Variants in NRXN3 observed in about 807,000 individuals in gnomAD.
NRXN3 encodes neurexin III.
A neutral mutation model predicts 137.6 loss-of-function variants in NRXN3; 32 were observed. That is an observed-to-expected ratio of 0.23 (90% CI 0.18 to 0.31). NRXN3 has a LOEUF of 0.31. NRXN3 is among the 10% of genes least tolerant of loss of function. The pLI, the probability that NRXN3 is intolerant of heterozygous loss-of-function variation, is 1.00. For missense variants in NRXN3, 1,574 were observed against 2,062.5 expected, an observed-to-expected ratio of 0.76 and a Z score of 4.59; for synonymous variants, 798 against 784.5, an observed-to-expected ratio of 1.02 and a Z score of -0.29.
At chr14:79,104,029 C>T (rs1443888869) in intron 15 of NRXN3, among the ~76,000 whole-genome samples, 1 of 152,196 alleles carries the variant, frequency 6.6e-6, no homozygotes, top group Admixed American at 6.6e-5. Flanking sequence ...CATGCCTGCA[C>T]ATGCACAGAT....
At chr14:78,740,826 T>G (rs533930728) in intron 8 of NRXN3, among the ~76,000 whole-genome samples, 1 of 152,122 alleles carries the variant, frequency 6.6e-6, no homozygotes, top group Non-Finnish European at 1.5e-5. Flanking sequence ...TTTTTTCTGG[T>G]TATGACTTTT....
At chr14:79,387,759 G>A (rs2094684647) in intron 15 of NRXN3, among the ~76,000 whole-genome samples, 1 of 151,898 alleles carries the variant, frequency 6.6e-6, no homozygotes, top group Non-Finnish European at 1.5e-5. Context: ...ATACACCATG[G>A]AATACTATGC....
At chr14:79,318,215 C>G (rs2089279344) in intron 15 of NRXN3, among the ~76,000 whole-genome samples, 1 of 152,104 alleles carries the variant, frequency 6.6e-6, no homozygotes, top group Admixed American at 6.6e-5. Flanking sequence ...AAGAACATGA[C>G]AAAATAAAAA....
intron 4 of NRXN3, among the ~76,000 whole-genome samples, chr14:78,522,958 G>A (rs773780628): frequency 6.6e-6 from 1 of 152,184 alleles, no homozygotes; most frequent in Non-Finnish European, 1.5e-5. Context: ...TTTTCTAAAG[G>A]AATGTGAATT....
At chr14:78,809,757 G>C (rs544630044) in intron 9 of NRXN3, among the ~76,000 whole-genome samples, 2 of 152,258 alleles carry the variant, frequency 1.3e-5, no homozygotes, top group African/African-American at 4.8e-5. Flanking sequence ...AAAAGAGAAA[G>C]GGTTAAGTAC....
chr14:79,707,156 A>T (rs2098783657), intron 19 of NRXN3, among the ~76,000 whole-genome samples: 1 of 152,188 alleles, frequency 6.6e-6, no homozygotes, highest in African/African-American at 2.4e-5. Flanking sequence ...AGAAGGAACA[A>T]TAGCTATGTT....
intron 4 of NRXN3, among the ~76,000 whole-genome samples, chr14:78,557,211 TA>T (rs1034507714): frequency 3.8e-4 from 56 of 149,198 alleles, no homozygotes; most frequent in African/African-American, 1.3e-3. Context: ...CACCTGGCTA[TA>T]TTTTTTTCTA....
At chr14:79,066,073 C>T (rs141783075) in intron 15 of NRXN3, among the ~76,000 whole-genome samples, 89 of 152,228 alleles carry the variant, frequency 5.8e-4, no homozygotes, top group Admixed American at 1.8e-3. Flanking sequence ...TTGCCCACGC[C>T]TAATTCCTGA....
At chr14:79,273,377 G>A (rs1480719259) in intron 15 of NRXN3, among the ~76,000 whole-genome samples, 1 of 151,826 alleles carries the variant, frequency 6.6e-6, no homozygotes, top group Non-Finnish European at 1.5e-5. Context: ...GCTCACGCCT[G>A]TAATCCCAGC....
At chr14:78,537,884 T>G (rs958049252) in intron 4 of NRXN3, among the ~76,000 whole-genome samples, 3 of 152,244 alleles carry the variant, frequency 2.0e-5, no homozygotes, top group Admixed American at 6.5e-5. Context: ...CCCCATTTCT[T>G]GTTTTTGTCA....
At chr14:78,612,740 A>G (rs1247790260) in intron 4 of NRXN3, among the ~76,000 whole-genome samples, 2 of 152,134 alleles carry the variant, frequency 1.3e-5, no homozygotes, top group East Asian at 1.9e-4. Context: ...TCTGTCTGTA[A>G]TGCTTTGTTC....
chr14:78,266,533 A>G (rs2071753211), intron 2 of NRXN3, among the ~76,000 whole-genome samples: 2 of 152,116 alleles, frequency 1.3e-5, no homozygotes, highest in South Asian at 2.1e-4. Flanking sequence ...TCCTGACCTC[A>G]TGATCCGCCC....
At chr14:79,540,903 A>AT (rs529477681) in intron 16 of NRXN3, among the ~76,000 whole-genome samples, 17 of 150,970 alleles carry the variant, frequency 1.1e-4, no homozygotes, top group South Asian at 4.2e-4. Context: ...TCAAACAAAG[A>AT]TTTTTTTTTT....
chr14:78,435,298 G>A (rs939874970), intron 4 of NRXN3, among the ~76,000 whole-genome samples: 1 of 152,062 alleles, frequency 6.6e-6, no homozygotes, highest in Non-Finnish European at 1.5e-5. Flanking sequence ...TTGATTGAGG[G>A]TCTGCTGTAT....
At chr14:78,418,420 G>A (rs940136656) in intron 4 of NRXN3, among the ~76,000 whole-genome samples, 4 of 152,142 alleles carry the variant, frequency 2.6e-5, no homozygotes, top group African/African-American at 9.7e-5. Context: ...AAATTCCAGA[G>A]GTGGTAGGAG....
chr14:78,306,190 C>A (rs1407303011), intron 4 of NRXN3, among the ~76,000 whole-genome samples: 1 of 152,034 alleles, frequency 6.6e-6, no homozygotes, highest in Non-Finnish European at 1.5e-5. Flanking sequence ...AATTATTTCT[C>A]AGATTTTGAA....
chr14:78,790,845 G>A (rs1278626730), intron 8 of NRXN3, among the ~76,000 whole-genome samples: 7 of 152,154 alleles, frequency 4.6e-5, no homozygotes, highest in African/African-American at 1.7e-4. Context: ...TATGCTAAGA[G>A]CAAAATGAGA....
At chr14:78,839,927 G>A (rs562146259) in intron 10 of NRXN3, among the ~76,000 whole-genome samples, 2 of 152,288 alleles carry the variant, frequency 1.3e-5, no homozygotes, top group South Asian at 2.1e-4. Flanking sequence ...AAAGACTAAT[G>A]TTTTTATGCT....
chr14:79,788,344 C>G (rs1280101219), intron 19 of NRXN3, among the ~76,000 whole-genome samples: 1 of 152,188 alleles, frequency 6.6e-6, no homozygotes, highest in African/African-American at 2.4e-5. Flanking sequence ...TTACCCAATT[C>G]TGTTGAAATA....
Sources: gnomAD v4.1 joint callset for allele counts (sites outside exome capture counted in the v4.1 genomes callset) on GRCh38, gnomAD v4.1.1 for gene constraint, MANE v1.5 for transcripts, NCBI Gene and HGNC (gene_info 2026-07-23, HGNC 2026-07-21) for gene names.